The following DSCAM variants were observed in gnomAD, a reference collection of about 807,000 sequenced individuals.
DSCAM encodes cell adhesion molecule DSCAM.
Under a neutral mutation model 217.7 loss-of-function variants are expected in DSCAM, and 47 were observed. The ratio of observed to expected loss-of-function variants is 0.22; its 90% CI spans 0.17 to 0.28. The LOEUF is 0.28. DSCAM is among the 10% of genes least tolerant of loss of function. DSCAM has a pLI of 1.00. For synonymous variants in DSCAM, 1,056 were observed against 1,015.3 expected (o/e 1.04, Z -0.76); for missense variants, 2,080 against 2,618.3 (o/e 0.79, Z 4.49).
intron 3 of DSCAM, among the ~76,000 whole-genome samples, chr21:40,387,175 GA>G (rs1452951359): frequency 2.0e-5 from 3 of 152,168 alleles, no homozygotes; most frequent in African/African-American, 7.2e-5. Flanking sequence ...TATAAAGGAA[GA>G]GGGGGGGTGA....
intron 19 of DSCAM, among the ~76,000 whole-genome samples, chr21:40,126,517 A>C (rs758077522): frequency 7.2e-5 from 11 of 152,318 alleles, no homozygotes; most frequent in Admixed American, 1.3e-4. Flanking sequence ...CTACACATTA[A>C]ATGCAGTTCA....
intron 20 of DSCAM, among the ~76,000 whole-genome samples, chr21:40,117,725 C>T (rs1055340691): frequency 1.3e-5 from 2 of 151,984 alleles, no homozygotes; most frequent in African/African-American, 2.4e-5. Flanking sequence ...TTGTGGTGTG[C>T]GAGTACTTTC....
At chr21:40,379,268 C>T (rs2074996553) in intron 3 of DSCAM, among the ~76,000 whole-genome samples, 1 of 152,144 alleles carries the variant, frequency 6.6e-6, no homozygotes, top group Non-Finnish European at 1.5e-5. Context: ...TATTAATGTG[C>T]TTCTTGGGTA....
chr21:40,255,691 T>C (rs888337161), intron 11 of DSCAM, among the ~76,000 whole-genome samples: 1 of 152,202 alleles, frequency 6.6e-6, no homozygotes, highest in Non-Finnish European at 1.5e-5. Flanking sequence ...GTCAGAGATC[T>C]GAAGTGTCAG....
At chr21:40,683,845 A>T (rs1348149815) in intron 3 of DSCAM, among the ~76,000 whole-genome samples, 2 of 152,174 alleles carry the variant, frequency 1.3e-5, no homozygotes, top group Non-Finnish European at 2.9e-5. Flanking sequence ...GTGCTCCAGG[A>T]TGCTGAGAAA....
intron 4 of DSCAM, among the ~76,000 whole-genome samples, chr21:40,363,404 C>G (rs1456724037): frequency 2.6e-5 from 4 of 151,862 alleles, no homozygotes; most frequent in East Asian, 1.9e-4. Flanking sequence ...AGGCACCCAC[C>G]ACTATACCTG....
intron 11 of DSCAM, among the ~76,000 whole-genome samples, chr21:40,241,897 C>T (rs1002793547): frequency 1.3e-5 from 2 of 152,122 alleles, no homozygotes; most frequent in Admixed American, 6.6e-5. Flanking sequence ...AATGCAAGAA[C>T]AGAAAACCAC....
At chr21:40,249,513 C>T (rs535160364) in intron 11 of DSCAM, among the ~76,000 whole-genome samples, 4 of 152,226 alleles carry the variant, frequency 2.6e-5, no homozygotes, top group East Asian at 3.9e-4. Context: ...TTCCCAGTCT[C>T]GGGTATGTCT....
intron 27 of DSCAM, among the ~76,000 whole-genome samples, chr21:40,073,389 T>A (rs79298221): frequency 0.021 from 3,144 of 152,310 alleles, 102 homozygotes; most frequent in African/African-American, 0.073. Context: ...ATGCAAGTAG[T>A]TAGACATAGT....
intron 3 of DSCAM, among the ~76,000 whole-genome samples, chr21:40,426,503 T>G (rs2075476475): frequency 6.6e-6 from 1 of 152,240 alleles, no homozygotes; most frequent in South Asian, 2.1e-4. Flanking sequence ...ATTTGTCATC[T>G]CGTTATACAT....
Position 40,193,222 on chromosome 21 carries a change from A to T in DSCAM, c.2357-3984T>A, listed in dbSNP as rs140400483. Among the ~76,000 whole-genome samples the T allele has an allele frequency of 2.4e-4, 36 of 152,306 alleles. No individual in the cohort carries two copies. In the East Asian group the frequency reaches 6.4e-3, roughly 27 times the overall value. On this transcript the variant is annotated intron_variant, in intron 11 of 32. Transcript: ENST00000400454. Reference sequence around the variant, plus strand: ...TGCACCTATAAAAAGGTGAGCTGGCATGTTCCTCGACAGCTGGAGGCTTAC... The same window carrying T: ...TGCACCTATAAAAAGGTGAGCTGGCTTGTTCCTCGACAGCTGGAGGCTTAC...
Position 40,682,778 on chromosome 21 carries a change from GGGGAGGGGAGGGGAGGGAAGGGAAGGGA to G in DSCAM, c.508+10004_508+10031del, listed in dbSNP as rs1568982197. Among the ~76,000 whole-genome samples, 65 of 11,476 alleles carry G rather than the reference GGGGAGGGGAGGGGAGGGAAGGGAAGGGA, an allele frequency of 5.7e-3. 14 individuals are homozygous for G. The highest frequency in any genetic ancestry group is 8.5e-3 in the African/African-American group (23 of 2,704). The allele number at this position is 11,476 out of a possible 152,430, so 7.5% of individuals were successfully genotyped here. A position where few individuals can be genotyped will look rare whatever the true frequency, so the allele number is the denominator to read the frequency against. On this transcript the variant is annotated intron_variant, in intron 3 of 32. Coordinates refer to ENST00000400454, the MANE Select transcript of DSCAM (RefSeq NM_001389.5). ...GGGGGGGGGAGGGGAGGGAAGGAGA[GGGGAGGGGAGGGGAGGGAAGGGAAGGGA>G]AGGGAAGGGAAGGGAAGGGAAGGGA...
chr21:40,138,243 G>A (rs2090236840), intron 18 of DSCAM, among the ~76,000 whole-genome samples: 3 of 151,472 alleles, frequency 2.0e-5, no homozygotes, highest in Non-Finnish European at 4.4e-5. Context: ...TGAATGTGTG[G>A]GGGGTGTGTG....
At chr21:40,122,420 T>A (rs754839104) in intron 20 of DSCAM, among the ~76,000 whole-genome samples, 13 of 152,174 alleles carry the variant, frequency 8.5e-5, no homozygotes, top group Non-Finnish European at 1.6e-4. Flanking sequence ...AGCAAAGAGA[T>A]CAATGAATGA....
chr21:40,629,384 T>G (rs1279458633), intron 3 of DSCAM, among the ~76,000 whole-genome samples: 1 of 152,352 alleles, frequency 6.6e-6, no homozygotes, highest in Admixed American at 6.5e-5. Flanking sequence ...TTTGTATGTA[T>G]AGCCTGTATA....
chr21:40,187,297 CAG>C (rs1471467512), intron 13 of DSCAM, 38 bp from the exon 14 acceptor site: 1 of 1,610,662 alleles, frequency 6.2e-7, no homozygotes, highest in Non-Finnish European at 8.5e-7. Context: ...TTAGTTCAAA[CAG>C]AGCTCTGACA....
chr21:40,260,853 C>T (rs1015763137), intron 11 of DSCAM, among the ~76,000 whole-genome samples: 2 of 152,126 alleles, frequency 1.3e-5, no homozygotes, highest in African/African-American at 4.8e-5. Flanking sequence ...AAAATGATTA[C>T]ATGATAATAA....
chr21:40,732,227 G>A (rs1433996750), intron 1 of DSCAM, among the ~76,000 whole-genome samples: 1 of 152,172 alleles, frequency 6.6e-6, no homozygotes, highest in Non-Finnish European at 1.5e-5. Flanking sequence ...TGGGCAGGAG[G>A]ATGAAATCTA....
chr21:40,821,908 G>A lies in DSCAM; in HGVS notation c.43+24711C>T, dbSNP rs142161623. Among the ~76,000 whole-genome samples, 526 of 151,950 alleles carry A rather than the reference G, an allele frequency of 3.5e-3. 6 individuals are homozygous for A. The highest frequency in any genetic ancestry group is 0.012 in the African/African-American group (510 of 41,390). On this transcript the variant is annotated intron_variant, in intron 1 of 32. Transcript: ENST00000400454. ...GAGAGGATCAGGAAAAATAACTAAC[G>A]TGTACTAGGCTTAATACCTGGATGA... is the stretch of plus-strand genomic sequence containing the variant.
Sources: gnomAD v4.1 joint callset for allele counts (sites outside exome capture counted in the v4.1 genomes callset) on GRCh38, gnomAD v4.1.1 for gene constraint, MANE v1.5 for transcripts, NCBI Gene and HGNC (gene_info 2026-07-23, HGNC 2026-07-21) for gene names.